CEP112: variants seen among roughly 807,000 people sequenced by gnomAD.
The protein encoded by CEP112 is centrosomal protein 112.
A neutral mutation model predicts 153.0 loss-of-function variants in CEP112; 127 were observed. That is an observed-to-expected ratio of 0.83 (90% CI 0.72 to 0.96). The LOEUF is 0.96. Among genes scored for constraint, CEP112 ranks in the 40% least tolerant of loss-of-function variants. The pLI, the probability that CEP112 is intolerant of heterozygous loss-of-function variation, is 0.00. For missense variants in CEP112, 1,089 were observed against 1,101.2 expected (o/e 0.99, Z 0.16); for synonymous variants, 358 against 374.4 (o/e 0.96, Z 0.51).
At chr17:66,028,207 A>G (rs1004382181) in intron 15 of CEP112, 106 bp downstream of exon 15, 1 of 653,260 alleles carries the variant, frequency 1.5e-6, no homozygotes, top group Non-Finnish European at 2.7e-6. Flanking sequence ...AGAAAAGATG[A>G]CCTGCATTTC....
At chr17:65,677,772 G>C (rs1407693344) in intron 24 of CEP112, among the ~76,000 whole-genome samples, 1 of 152,014 alleles carries the variant, frequency 6.6e-6, no homozygotes, top group East Asian at 1.9e-4. Flanking sequence ...AATTAGCCAG[G>C]TGTGGTGGCA....
chr17:66,162,439 T>C (rs1052780104), intron 4 of CEP112, among the ~76,000 whole-genome samples: 8 of 152,200 alleles, frequency 5.3e-5, no homozygotes, highest in Non-Finnish European at 1.0e-4. Context: ...ATTACACTTC[T>C]AAGTCAACAC....
chr17:66,060,265 T>C (rs1394513340), intron 11 of CEP112, among the ~76,000 whole-genome samples: 1 of 152,140 alleles, frequency 6.6e-6, no homozygotes, highest in Non-Finnish European at 1.5e-5. Context: ...CCTGCACATC[T>C]ACCCTCTGAA....
At chr17:66,062,874 A>G (rs2066975486) in intron 11 of CEP112, 89 bp downstream of exon 11, 2 of 618,486 alleles carry the variant, frequency 3.2e-6, no homozygotes, top group Non-Finnish European at 5.3e-6. Flanking sequence ...TTTTCTGTAT[A>G]TTCTGTGAAA....
chr17:65,976,834 G>A (rs1416670103), intron 17 of CEP112, among the ~76,000 whole-genome samples: 1 of 147,354 alleles, frequency 6.8e-6, no homozygotes, highest in East Asian at 2.0e-4. Flanking sequence ...CACCTCCCAG[G>A]TTCAAGCGAT....
intron 17 of CEP112, among the ~76,000 whole-genome samples, chr17:65,968,289 T>C (rs1025416942): frequency 6.6e-6 from 1 of 152,144 alleles, no homozygotes; most frequent in Non-Finnish European, 1.5e-5. Flanking sequence ...GAAATATTTA[T>C]TTCCTTCAAA....
At chr17:65,974,832 C>G (rs982702235) in intron 17 of CEP112, among the ~76,000 whole-genome samples, 1 of 152,030 alleles carries the variant, frequency 6.6e-6, no homozygotes, top group Non-Finnish European at 1.5e-5. Flanking sequence ...GATCATATAT[C>G]CACAGAAGTG....
At chr17:65,721,261 T>C (rs2049871261) in intron 23 of CEP112, among the ~76,000 whole-genome samples, 1 of 152,134 alleles carries the variant, frequency 6.6e-6, no homozygotes, top group African/African-American at 2.4e-5. Flanking sequence ...CTGCCCGCCT[T>C]GGCCTCCCAA....
intron 20 of CEP112, among the ~76,000 whole-genome samples, chr17:65,888,152 G>C (rs1467491888): frequency 1.3e-5 from 2 of 152,120 alleles, no homozygotes; most frequent in East Asian, 3.9e-4. Context: ...ATGGATTTCA[G>C]CTTGATGAGA....
At chr17:66,161,243 A>AATT (rs1311096402) in intron 4 of CEP112, among the ~76,000 whole-genome samples, 1 of 152,196 alleles carries the variant, frequency 6.6e-6, no homozygotes, top group Non-Finnish European at 1.5e-5. Context: ...TGGGAGTGTA[A>AATT]ATTAGTTCAA....
At chr17:65,847,376 C>T (rs2057767053) in intron 21 of CEP112, among the ~76,000 whole-genome samples, 2 of 152,208 alleles carry the variant, frequency 1.3e-5, no homozygotes, top group African/African-American at 4.8e-5. Flanking sequence ...ATATCTTCTT[C>T]CTTTCCAAGG....
intron 17 of CEP112, among the ~76,000 whole-genome samples, chr17:65,972,158 C>T (rs1296598249): frequency 6.6e-6 from 1 of 152,160 alleles, no homozygotes; most frequent in East Asian, 1.9e-4. Flanking sequence ...GAACATAAAA[C>T]AAGTCTCCAT....
At chr17:66,112,218 G>A (rs2146384226) in intron 6 of CEP112, among the ~76,000 whole-genome samples, 1 of 152,156 alleles carries the variant, frequency 6.6e-6, no homozygotes, top group East Asian at 1.9e-4. Flanking sequence ...TTGAACTCGG[G>A]AGGCGGAGGT....
intron 21 of CEP112, among the ~76,000 whole-genome samples, chr17:65,780,965 T>C (rs1271506993): frequency 2.0e-5 from 3 of 152,154 alleles, no homozygotes; most frequent in African/African-American, 7.2e-5. Context: ...AAAAGTAATG[T>C]ATATTAATTG....
intron 6 of CEP112, among the ~76,000 whole-genome samples, chr17:66,111,049 T>C (rs544092779): frequency 6.6e-6 from 1 of 152,016 alleles, no homozygotes; most frequent in African/African-American, 2.4e-5. Context: ...GCAAAGGACA[T>C]GAACAGACAC....
At chr17:65,792,975 C>G (rs915071196) in intron 21 of CEP112, among the ~76,000 whole-genome samples, 2 of 151,958 alleles carry the variant, frequency 1.3e-5, no homozygotes, top group Non-Finnish European at 2.9e-5. Context: ...TTTAGCTGGA[C>G]GCCTAGTGGG....
chr17:65,719,742 A>G (rs1311578860), intron 23 of CEP112, among the ~76,000 whole-genome samples: 1 of 152,162 alleles, frequency 6.6e-6, no homozygotes, highest in African/African-American at 2.4e-5. Context: ...GATGAGAGAA[A>G]GCTCATCCTA....
chr17:65,823,621 C>T (rs1336756548), intron 21 of CEP112, among the ~76,000 whole-genome samples: 2 of 152,032 alleles, frequency 1.3e-5, no homozygotes, highest in African/African-American at 2.4e-5. Context: ...TACACAACAC[C>T]AAAAACATCA....
At chr17:66,058,530 G>A (rs1323195886) in intron 11 of CEP112, among the ~76,000 whole-genome samples, 1 of 151,984 alleles carries the variant, frequency 6.6e-6, no homozygotes, top group African/African-American at 2.4e-5. Flanking sequence ...CCAAAAAAGA[G>A]CCTGAATAGT....
Sources: allele counts gnomAD v4.1 joint callset (sites outside exome capture counted in the v4.1 genomes callset), GRCh38; gene constraint gnomAD v4.1.1; transcripts MANE v1.5; gene names NCBI Gene and HGNC (gene_info 2026-07-23, HGNC 2026-07-21).